ALG5: variants seen among roughly 807,000 people sequenced by gnomAD.
The protein encoded by ALG5 is ALG5 dolichyl-phosphate beta-glucosyltransferase.
In ALG5, 26 loss-of-function variants were observed where a neutral mutation model predicts 51.8. The observed-to-expected ratio is 0.50, with a 90% CI of 0.37 to 0.70. The LOEUF is 0.70. Among genes scored for constraint, ALG5 ranks in the 30% least tolerant of loss-of-function variants. The pLI, the probability that ALG5 is intolerant of heterozygous loss-of-function variation, is 0.00. For missense variants in ALG5, 311 were observed against 399.3 expected (o/e 0.78, Z 1.88); for synonymous variants, 141 against 136.1 (o/e 1.04, Z -0.25).
At chr13:36,965,128 G>A (rs2058886910) in intron 8 of ALG5, among the ~76,000 whole-genome samples, 1 of 152,078 alleles carries the variant, frequency 6.6e-6, no homozygotes, top group Non-Finnish European at 1.5e-5. Flanking sequence ...AAGGGAAAAG[G>A]CTGAATACAC....
chr13:36,972,724 G>A (rs2058930250), intron 6 of ALG5, among the ~76,000 whole-genome samples: 1 of 152,234 alleles, frequency 6.6e-6, no homozygotes, highest in South Asian at 2.1e-4. Flanking sequence ...CGGGCGTGGT[G>A]GCTCACGCCT....
At chr13:36,955,471 T>G (rs2138779580) in intron 8 of ALG5, among the ~76,000 whole-genome samples, 1 of 152,072 alleles carries the variant, frequency 6.6e-6, no homozygotes, top group South Asian at 2.1e-4. Flanking sequence ...GAATAGGTTT[T>G]TTAAAAAGTT....
intron 5 of ALG5, among the ~76,000 whole-genome samples, chr13:36,987,656 C>A: frequency 6.6e-6 from 1 of 152,176 alleles, no homozygotes; most frequent in African/African-American, 2.4e-5. Flanking sequence ...GTCAATCAAT[C>A]ACATCTCTTT....
chr13:36,977,156 C>T (rs2058955833), intron 6 of ALG5, among the ~76,000 whole-genome samples: 1 of 152,194 alleles, frequency 6.6e-6, no homozygotes, highest in Non-Finnish European at 1.5e-5. Context: ...ATACCAATCT[C>T]ACTATCAGGT....
chr13:36,960,169 C>CA (rs1163850322), intron 8 of ALG5, among the ~76,000 whole-genome samples: 9 of 152,064 alleles, frequency 5.9e-5, no homozygotes, highest in Non-Finnish European at 8.8e-5. Context: ...TCAATACTGA[C>CA]AAAAAATAAT....
At chr13:36,970,493 G>A (rs1040447315) in intron 7 of ALG5, among the ~76,000 whole-genome samples, 5 of 152,248 alleles carry the variant, frequency 3.3e-5, no homozygotes, top group Non-Finnish European at 2.9e-5. Flanking sequence ...CCAGCTACTC[G>A]GGAAGCTGAG....
intron 7 of ALG5, among the ~76,000 whole-genome samples, chr13:36,970,139 T>C (rs540170013): frequency 1.3e-5 from 2 of 151,546 alleles, no homozygotes; most frequent in Non-Finnish European, 2.9e-5. Context: ...TTCCTTTTCT[T>C]ATCCCCCGTG....
chr13:36,994,945 T>C (rs1218387268), intron 3 of ALG5, 44 bp downstream of exon 3: 2 of 1,557,328 alleles, frequency 1.3e-6, no homozygotes, highest in South Asian at 2.3e-5. Context: ...TGACCTGGTC[T>C]AGTTTTAATT....
At position 36,999,320 on chromosome 13, in the gene ALG5, CG is replaced by C; in HGVS notation, c.-21del. Reference sequence around the variant, plus strand: ...AGCCATTCTCCATGCCGTGGCAGCCCGCCCAATCCCGCACCTCCACACAGGC... The same window carrying C: ...AGCCATTCTCCATGCCGTGGCAGCCCCCCAATCCCGCACCTCCACACAGGC... On this transcript the variant is annotated 5_prime_UTR_variant, in exon 1 of 10. Coordinates refer to ENST00000239891, the MANE Select transcript of ALG5 (RefSeq NM_013338.5). 1.3e-6 allele frequency: 2 copies of C among 1,562,094 alleles called. No individual in the cohort carries two copies. Among genetic ancestry groups the C allele is most frequent in the Non-Finnish European group, 1.7e-6 (2 of 1,157,334 alleles).
intron 3 of ALG5, 30 bp from the exon 4 acceptor site, chr13:36,993,702 T>A (rs1462669387): frequency 3.8e-6 from 6 of 1,593,360 alleles, no homozygotes; most frequent in Non-Finnish European, 4.3e-6. Flanking sequence ...AGTAATACAA[T>A]TTGGCATAAC....
chr13:36,967,763 A>G, intron 7 of ALG5: 1 of 1,181,042 alleles, frequency 8.5e-7, no homozygotes, highest in South Asian at 1.3e-5. Context: ...AAATACTTCC[A>G]ATAAATACTG....
Position 36,967,053 on chromosome 13 carries a change from T to C in ALG5, c.622-1327A>G, listed in dbSNP as rs554132898. ...GCCTGCCCAACATGGCGAAACCCCATCTCTACTAAAAATACAAAAATTAGC... is the reference window on the plus strand; with the variant it reads ...GCCTGCCCAACATGGCGAAACCCCACCTCTACTAAAAATACAAAAATTAGC... On this transcript the variant is annotated intron_variant, in intron 7 of 9. Coordinates refer to ENST00000239891, the MANE Select transcript of ALG5 (RefSeq NM_013338.5). Among the ~76,000 whole-genome samples the C allele has an allele frequency of 4.6e-3, 692 of 151,808 alleles. 7 individuals are homozygous for C. Among genetic ancestry groups the C allele is most frequent in the African/African-American group, 0.016 (672 of 41,406 alleles).
chr13:36,985,550 TA>T, intron 6 of ALG5, 76 bp downstream of exon 6: 1 of 1,185,790 alleles, frequency 8.4e-7, no homozygotes, highest in Non-Finnish European at 1.2e-6. Flanking sequence ...AACTGATAGG[TA>T]AACTCTCCTT....
chr13:36,960,553 C>T (rs377263348), intron 8 of ALG5, among the ~76,000 whole-genome samples: 1 of 152,146 alleles, frequency 6.6e-6, no homozygotes, highest in East Asian at 1.9e-4. Context: ...CGTTCTATCA[C>T]CCAGGCTGGA....
At chr13:36,987,504 C>T (rs1270364515) in intron 5 of ALG5, among the ~76,000 whole-genome samples, 1 of 152,150 alleles carries the variant, frequency 6.6e-6, no homozygotes, top group Non-Finnish European at 1.5e-5. Flanking sequence ...GTGTGTGGCA[C>T]CACCGTGCCC....
At chr13:36,974,734 C>T (rs1333863354) in intron 6 of ALG5, among the ~76,000 whole-genome samples, 1 of 151,954 alleles carries the variant, frequency 6.6e-6, no homozygotes, top group African/African-American at 2.4e-5. Flanking sequence ...CCATCCCACC[C>T]AACCTGGGAT....
At chr13:36,987,898 T>A (rs2059009014) in intron 5 of ALG5, among the ~76,000 whole-genome samples, 1 of 152,192 alleles carries the variant, frequency 6.6e-6, no homozygotes, top group South Asian at 2.1e-4. Context: ...ACTCTGTCAA[T>A]GGTAAAAAAT....
At chr13:36,955,911 A>G (rs76040353) in intron 8 of ALG5, among the ~76,000 whole-genome samples, 7,162 of 151,012 alleles carry the variant, frequency 0.047, 244 homozygotes, top group Non-Finnish European at 0.073. Flanking sequence ...AAGAAAACAT[A>G]TGGAAAAAAC....
intron 8 of ALG5, among the ~76,000 whole-genome samples, chr13:36,959,934 A>T (rs2058858258): frequency 6.6e-6 from 1 of 151,956 alleles, no homozygotes; most frequent in East Asian, 1.9e-4. Context: ...GCTGACTGAG[A>T]TGTCTCCAGC....
Sources: gnomAD v4.1 joint callset for allele counts (sites outside exome capture counted in the v4.1 genomes callset) on GRCh38, gnomAD v4.1.1 for gene constraint, MANE v1.5 for transcripts, NCBI Gene and HGNC (gene_info 2026-07-23, HGNC 2026-07-21) for gene names.